MSTO1: variants seen among roughly 807,000 people sequenced by gnomAD.
MSTO1 encodes the protein protein misato homolog 1.
Under a neutral mutation model 55.7 loss-of-function variants are expected in MSTO1, and 24 were observed. The observed-to-expected ratio is 0.43, with a 90% confidence interval of 0.31 to 0.61. The LOEUF (loss-of-function observed/expected upper bound fraction) is 0.61, where lower values mean the gene tolerates loss of function less well. MSTO1 is among the 20% of genes least tolerant of loss of function. MSTO1 has a pLI of 0.09. For synonymous variants in MSTO1, 162 were observed against 252.8 expected (o/e 0.64, Z 3.41); for missense variants, 363 against 625.7 (o/e 0.58, Z 4.48).
chr1:155,580,539 A>C, the MSTO1 span, among the ~76,000 whole-genome samples: 2 of 151,898 alleles, frequency 1.3e-5, no homozygotes, highest in Non-Finnish European at 2.9e-5. Context: ...TACCTTTCTA[A>C]ATTTGGCACA....
chr1:155,606,200 T>A (rs1672932455), upstream of MSTO1, among the ~76,000 whole-genome samples: 12 of 106,028 alleles, frequency 1.1e-4, no homozygotes, highest in African/African-American at 5.6e-4. Flanking sequence ...TGCCCAGCCT[T>A]TTTTTTTTTT....
the MSTO1 span, among the ~76,000 whole-genome samples, chr1:155,597,300 C>G: frequency 6.6e-6 from 1 of 151,362 alleles, no homozygotes; most frequent in Non-Finnish European, 1.5e-5. Context: ...AAAACCCCGT[C>G]TCTATTAAAA....
intron 9 of MSTO1, 40 bp downstream of exon 9, chr1:155,612,610 A>G: frequency 6.4e-7 from 1 of 1,574,616 alleles, no homozygotes; most frequent in East Asian, 2.2e-5. Flanking sequence ...GGCAGGCTAC[A>G]GGGCCTCCTC....
the MSTO1 span, among the ~76,000 whole-genome samples, chr1:155,588,352 A>G: frequency 6.6e-6 from 1 of 152,098 alleles, no homozygotes; most frequent in East Asian, 1.9e-4. Flanking sequence ...TACCTTCTAT[A>G]TGGCAGGTAC....
chr1:155,593,162 C>T, the MSTO1 span, among the ~76,000 whole-genome samples: 5 of 152,302 alleles, frequency 3.3e-5, no homozygotes, highest in East Asian at 9.7e-4. Context: ...GATCTGCCCA[C>T]CTTGGCATCC....
chr1:155,597,056 G>A, the MSTO1 span, among the ~76,000 whole-genome samples: 1 of 152,074 alleles, frequency 6.6e-6, no homozygotes, highest in South Asian at 2.1e-4. Flanking sequence ...TCAGTGAGCG[G>A]TGATTGCACT....
the MSTO1 span, among the ~76,000 whole-genome samples, chr1:155,565,067 G>A: frequency 6.6e-6 from 1 of 152,042 alleles, no homozygotes; most frequent in South Asian, 2.1e-4. Flanking sequence ...ATTTCAGTGA[G>A]TGGAGATTGC....
At chr1:155,590,497 A>C in the MSTO1 span, 8 of 549,780 alleles carry the variant, frequency 1.5e-5, no homozygotes, top group South Asian at 3.3e-4. Context: ...CAAAAGAAAA[A>C]TAGAAGGAGG....
upstream of MSTO1, among the ~76,000 whole-genome samples, chr1:155,607,938 A>T (rs1672965408): frequency 6.6e-6 from 1 of 152,252 alleles, no homozygotes; most frequent in Admixed American, 6.5e-5. Flanking sequence ...TTGAAGCTTC[A>T]GTGAGCCGGG....
the MSTO1 span, among the ~76,000 whole-genome samples, chr1:155,599,434 C>T: frequency 1.3e-5 from 2 of 151,998 alleles, no homozygotes; most frequent in African/African-American, 2.4e-5. Flanking sequence ...TTTTTGCCAT[C>T]GGTTAACAAT....
Position 155,614,568 on chromosome 1 carries a change from A to C in MSTO1, c.*295A>C. The stretch of plus-strand genomic sequence containing the variant: ...TAGGATGGCAGAGCCCCTGGGTCCT[A>C]CTCCATCCTCCAGCCTTTGTCCTTG... On this transcript the variant is annotated 3_prime_UTR_variant, in exon 14 of 14. Transcript: ENST00000245564. 1.6e-6 allele frequency: 1 copy of C among 623,368 alleles called. No individual in the cohort carries two copies. The allele number at this position is 623,368 out of a possible 1,614,324, so 38.6% of individuals were successfully genotyped here. A position where few individuals can be genotyped will look rare whatever the true frequency, so the allele number is the denominator to read the frequency against.
chr1:155,602,615 T>C, the MSTO1 span, among the ~76,000 whole-genome samples: 3 of 152,210 alleles, frequency 2.0e-5, no homozygotes, highest in Non-Finnish European at 4.4e-5. Context: ...ACCAACAGAC[T>C]ATGGAGAACT....
upstream of MSTO1, among the ~76,000 whole-genome samples, chr1:155,608,585 C>A (rs1673055664): frequency 6.6e-6 from 1 of 150,806 alleles, no homozygotes; most frequent in Admixed American, 6.6e-5. Context: ...CCGCAAGCTC[C>A]GCCTCCCGGG....
At chr1:155,575,971 C>T in the MSTO1 span, among the ~76,000 whole-genome samples, 1 of 151,758 alleles carries the variant, frequency 6.6e-6, no homozygotes, top group South Asian at 2.1e-4. Flanking sequence ...TACAGGCACA[C>T]GTCACCACGC....
At chr1:155,607,417 G>A (rs760788618), upstream of MSTO1, among the ~76,000 whole-genome samples, 3 of 152,076 alleles carry the variant, frequency 2.0e-5, no homozygotes, top group Admixed American at 6.6e-5. Flanking sequence ...CTTGTGATCC[G>A]CCTGCCTCGG....
At chr1:155,564,986 T>C in the MSTO1 span, among the ~76,000 whole-genome samples, 1 of 151,834 alleles carries the variant, frequency 6.6e-6, no homozygotes, top group Admixed American at 6.6e-5. Context: ...CCGGGCGTGG[T>C]GGTGGGCGCC....
chr1:155,599,423 T>C, the MSTO1 span, among the ~76,000 whole-genome samples: 2 of 152,200 alleles, frequency 1.3e-5, no homozygotes, highest in East Asian at 1.9e-4. Context: ...TTGTTTTTTA[T>C]TTTTTGCCAT....
chr1:155,604,110 T>A, the MSTO1 span, among the ~76,000 whole-genome samples: 3 of 152,182 alleles, frequency 2.0e-5, no homozygotes, highest in Non-Finnish European at 4.4e-5. Flanking sequence ...GCACTTGTTC[T>A]ACAAAGTAGA....
At chr1:155,564,299 G>A in the MSTO1 span, among the ~76,000 whole-genome samples, 1 of 152,326 alleles carries the variant, frequency 6.6e-6, no homozygotes, top group African/African-American at 2.4e-5. Flanking sequence ...TTCGAGACCA[G>A]CCTGGCCAAC....
Sources: gnomAD v4.1 joint callset for allele counts (sites outside exome capture counted in the v4.1 genomes callset) on GRCh38, gnomAD v4.1.1 for gene constraint, MANE v1.5 for transcripts, NCBI Gene and HGNC (gene_info 2026-07-23, HGNC 2026-07-21) for gene names.